LIPG: variants seen among roughly 807,000 people sequenced by gnomAD.
LIPG encodes the protein lipase G, endothelial type.
Under a neutral mutation model 51.8 loss-of-function variants are expected in LIPG, and 34 were observed. The ratio of observed to expected loss-of-function variants is 0.66; its 90% CI spans 0.50 to 0.87. The LOEUF is 0.87. Among genes scored for constraint, LIPG ranks in the 40% least tolerant of loss-of-function variants. The pLI is 0.00. For missense variants in LIPG, 580 were observed against 652.7 expected, an observed-to-expected ratio of 0.89 and a Z score of 1.21; for synonymous variants, 246 against 246.1, an observed-to-expected ratio of 1.00 and a Z score of 0.00.
chr18:49,572,018 C>T (rs906533233), intron 4 of LIPG, among the ~76,000 whole-genome samples: 3 of 152,186 alleles, frequency 2.0e-5, no homozygotes, highest in Admixed American at 6.5e-5. Flanking sequence ...ATGTCAAATA[C>T]CTCATGTGTG....
rs956132562 is a variant in LIPG at position 49,598,465 on chromosome 18, G to C, written c.*7943G>C. 1 of 152,470 alleles carries C rather than the reference G, an allele frequency of 6.6e-6. No individual in the cohort carries two copies. The highest frequency in any genetic ancestry group is 2.4e-5 in the African/African-American group (1 of 41,454). 9.4% of individuals were successfully genotyped at this position (152,470 alleles called of 1,614,324 possible). A position where few individuals can be genotyped will look rare whatever the true frequency, so the allele number is the denominator to read the frequency against. On this transcript the variant is annotated 3_prime_UTR_variant, in exon 10 of 10. Transcript: ENST00000261292. ...CCAACTTGGCCTCCCAAAGTGCTGG[G>C]ATTAGAGGCATGAGCCATCAGGCCT...
chr18:49,596,635 C>CAAAAAAAA lies in LIPG; in HGVS notation c.*6129_*6136dup, dbSNP rs35773018. On this transcript the variant is annotated 3_prime_UTR_variant, in exon 10 of 10. Transcript: ENST00000261292. ...GGGCAACAAGAGCAAATCTCTATCTCAAAAAAAAAAAAAAAAAAAAAAAGG... is the reference window on the plus strand; with the variant it reads ...GGGCAACAAGAGCAAATCTCTATCTCAAAAAAAAAAAAAAAAAAAAAAAAAAAAAAAGG... The CAAAAAAAA allele has an allele frequency of 1.8e-5, 1 of 55,934 alleles. No individual in the cohort carries two copies. The highest frequency in any genetic ancestry group is 3.3e-5 in the Non-Finnish European group (1 of 29,886). 3.5% of individuals were successfully genotyped at this position (55,934 alleles called of 1,614,324 possible).
chr18:49,586,889 T>C (rs761162205), intron 9 of LIPG, 39 bp downstream of exon 9: 3 of 1,417,972 alleles, frequency 2.1e-6, no homozygotes, highest in Non-Finnish European at 2.0e-6. Flanking sequence ...CCAGGACACG[T>C]TGACATGATG....
intron 9 of LIPG, 121 bp from the exon 10 acceptor site, chr18:49,590,380 T>C (rs1419163860): frequency 1.0e-6 from 1 of 999,448 alleles, no homozygotes; most frequent in African/African-American, 1.6e-5. Context: ...ACATGTAAAA[T>C]AGTCCCATAG....
intron 6 of LIPG, chr18:49,581,931 A>G (rs1276859736): frequency 1.5e-5 from 9 of 595,686 alleles, no homozygotes; most frequent in Non-Finnish European, 2.4e-5. Flanking sequence ...AAGCTGTTTC[A>G]TATTTGTTTT....
rs900968772 is a variant in LIPG at position 49,593,516 on chromosome 18, G to A, written c.*2994G>A. ...TGAGATTATTAGGTTTGGTTGAATT[G>A]GAACTAGATATCAGTGACTTAGACC... On this transcript the variant is annotated 3_prime_UTR_variant, in exon 10 of 10. Transcript: ENST00000261292. 2 of 152,172 alleles carry A rather than the reference G, an allele frequency of 1.3e-5. No homozygotes were observed. The highest frequency in any genetic ancestry group is 2.9e-5 in the Non-Finnish European group (2 of 68,046). 9.4% of individuals were successfully genotyped at this position (152,172 alleles called of 1,614,324 possible).
chr18:49,565,274 G>C lies in LIPG; in HGVS notation c.98-43G>C, dbSNP rs375433363. The C allele has an allele frequency of 3.7e-6, 6 of 1,601,538 alleles. No homozygotes were observed. The African/African-American group carries it at 6.7e-5, about 18-fold the overall frequency. Reference sequence around the variant, plus strand: ...AATCAGACCCCAGGTCTCTCACTCCGCAAGTCTGCTAGATGCACCCACGCT... The same window carrying C: ...AATCAGACCCCAGGTCTCTCACTCCCCAAGTCTGCTAGATGCACCCACGCT... On this transcript the variant is annotated intron_variant, in intron 1 of 9. Transcript: ENST00000261292.
intron 9 of LIPG, among the ~76,000 whole-genome samples, chr18:49,588,704 C>G (rs901133411): frequency 4.6e-5 from 7 of 152,116 alleles, no homozygotes; most frequent in African/African-American, 1.4e-4. Context: ...TGCTGCAATC[C>G]GTTATTTCAG....
intron 7 of LIPG, among the ~76,000 whole-genome samples, chr18:49,583,226 G>T (rs2084842663): frequency 6.6e-6 from 1 of 152,180 alleles, no homozygotes; most frequent in African/African-American, 2.4e-5. Context: ...GCACTTGAGT[G>T]GGGATGTGAC....
rs759714037 is a variant in LIPG at position 49,567,585 on chromosome 18, G to A, written c.423G>A (p.Val141=). 5.0e-6 allele frequency: 8 copies of A among 1,613,996 alleles called. No individual in the cohort carries two copies. Among genetic ancestry groups the A allele is most frequent in the Non-Finnish European group, 5.9e-6 (7 of 1,180,038 alleles). ...YTDAVNNTRV[V]GHSIARMLDW... ...ATGCGGTCAATAATACCAGGGTGGTGGGACACAGCATTGCCAGGATGCTCG... is the reference window on the plus strand; with the variant it reads ...ATGCGGTCAATAATACCAGGGTGGTAGGACACAGCATTGCCAGGATGCTCG... The change falls in exon 3 of 10, where the codon GTG becomes GTA. Residue 141 remains valine (V), a synonymous_variant. Coordinates refer to ENST00000261292, the MANE Select transcript of LIPG (RefSeq NM_006033.4).
chr18:49,575,460 C>G lies in LIPG; in HGVS notation c.663C>G (p.Thr221=), dbSNP rs780753287. 8.1e-6 allele frequency: 13 copies of G among 1,614,220 alleles called. No individual in the cohort carries two copies. In the Admixed American group the frequency reaches 2.0e-4, roughly 25 times the overall value. ...DDADFVDVLH[T]YTRSFGLSIG... ...CAGATTTTGTGGATGTCCTCCACAC[C>G]TACACGCGTTCCTTCGGCTTGAGCA... Residue 221 remains threonine, a synonymous_variant, in exon 5 of 10, where the codon ACC becomes ACG. Coordinates refer to ENST00000261292, the MANE Select transcript of LIPG (RefSeq NM_006033.4).
chr18:49,583,470 GT>G, intron 7 of LIPG, 85 bp from the exon 8 acceptor site: 1 of 1,057,956 alleles, frequency 9.5e-7, no homozygotes, highest in Non-Finnish European at 1.5e-6. Flanking sequence ...TCTGTGTGGG[GT>G]TGTTACTGCC....
intron 4 of LIPG, among the ~76,000 whole-genome samples, chr18:49,572,059 C>T (rs2084669671): frequency 6.6e-6 from 1 of 152,222 alleles, no homozygotes; most frequent in South Asian, 2.1e-4. Flanking sequence ...GTGGCTCACG[C>T]CTGTAACCCC....
chr18:49,592,390 A>G lies in LIPG; in HGVS notation c.*1868A>G, dbSNP rs2084954774. ...GATTTTGGAATGTTTGCATATACATAATGAGATATTTTGGGAATAGGACCC... is the reference window on the plus strand; with the variant it reads ...GATTTTGGAATGTTTGCATATACATGATGAGATATTTTGGGAATAGGACCC... On this transcript the variant is annotated 3_prime_UTR_variant, in exon 10 of 10. Transcript: ENST00000261292. 6.6e-6 allele frequency: 1 copy of G among 152,226 alleles called. No individual in the cohort carries two copies. Among genetic ancestry groups the G allele is most frequent in the Admixed American group, 6.5e-5 (1 of 15,290 alleles). 9.4% of individuals were successfully genotyped at this position (152,226 alleles called of 1,614,324 possible). A position where few individuals can be genotyped will look rare whatever the true frequency, so the allele number is the denominator to read the frequency against.
chr18:49,581,411 C>T lies in LIPG; in HGVS notation c.794-4C>T, dbSNP rs777249823. The stretch of plus-strand genomic sequence containing the variant: ...TGCATGCTTTTTATCTCTCCCACCC[C>T]CAGCAATCACAGAGGTGGTAAAATG... On this transcript the variant is annotated splice_region_variant and splice_polypyrimidine_tract_variant and intron_variant, in intron 5 of 9. Transcript: ENST00000261292. 5 of 1,614,212 alleles carry T rather than the reference C, an allele frequency of 3.1e-6. No individual in the cohort carries two copies. Among genetic ancestry groups the T allele is most frequent in the Non-Finnish European group, 3.4e-6 (4 of 1,180,054 alleles).
chr18:49,569,503 G>A lies in LIPG; in HGVS notation c.526G>A (p.Gly176Arg). ...CTACAGCCTCGGAGCGCACGTGGCC[G>A]GGTATGCAGGCAACTTCGTGAAAGG... ...IGYSLGAHVAGYAGNFVKGTV... is the reference protein window; with the variant it reads ...IGYSLGAHVARYAGNFVKGTV... Residue 176 changes from glycine to arginine, a missense_variant, in exon 4 of 10, where the codon GGG becomes AGG. Gly to Arg is a moderately radical substitution (Grantham distance 125). Coordinates refer to ENST00000261292, the MANE Select transcript of LIPG (RefSeq NM_006033.4). 2.5e-6 allele frequency: 4 copies of A among 1,614,156 alleles called. No homozygotes were observed. The highest frequency in any genetic ancestry group is 1.1e-5 in the South Asian group (1 of 91,078).
rs375653841 is a variant in LIPG at position 49,565,374 on chromosome 18, A to G, written c.155A>G (p.Asn52Ser). The change falls in exon 2 of 10, where the codon AAC (asparagine) becomes AGC (serine). Residue 52 changes from asparagine to serine, a missense_variant. By Grantham distance (46) the Asn-to-Ser change is conservative (BLOSUM62 1). Transcript: ENST00000261292. ...GAGGTCAAACCATCTGTGAGGTTTAACCTCCGCACCTCCAAGGACCCAGAG... is the reference window on the plus strand; with the variant it reads ...GAGGTCAAACCATCTGTGAGGTTTAGCCTCCGCACCTCCAAGGACCCAGAG... ...QTEVKPSVRF[N>S]LRTSKDPEHE... 5 of 1,614,038 alleles carry G rather than the reference A, an allele frequency of 3.1e-6. No homozygotes were observed. Among genetic ancestry groups the G allele is most frequent in the Non-Finnish European group, 4.2e-6 (5 of 1,180,030 alleles).
intron 5 of LIPG, among the ~76,000 whole-genome samples, chr18:49,579,764 CTTTCTTTTCTTTTCTTTTCTTTTCT>C (rs60357456): frequency 0.26 from 28,734 of 112,156 alleles, 3,556 homozygotes; most frequent in Middle Eastern, 0.35. Context: ...CTTTCCTTTC[CTTTCTTTTCTTTTCTTTTCTTTTCT>C]TTTCTTTTCT....
chr18:49,580,823 T>C (rs755842791), intron 5 of LIPG, among the ~76,000 whole-genome samples: 9 of 152,162 alleles, frequency 5.9e-5, no homozygotes, highest in Non-Finnish European at 1.2e-4. Flanking sequence ...TTAGCACTTA[T>C]TATATGGGCG....
Sources: allele counts gnomAD v4.1 joint callset (sites outside exome capture counted in the v4.1 genomes callset), GRCh38; gene constraint gnomAD v4.1.1; transcripts MANE v1.5; gene names NCBI Gene and HGNC (gene_info 2026-07-23, HGNC 2026-07-21).